PON2: variants seen among roughly 807,000 people sequenced by gnomAD.
The protein encoded by PON2 is serum paraoxonase/arylesterase 2.
A neutral mutation model predicts 36.6 loss-of-function variants in PON2; 27 were observed. That is an observed-to-expected ratio of 0.74 (90% CI 0.54 to 1.02). The LOEUF is 1.02. PON2 is among the 50% of genes least tolerant of loss of function. The pLI, the probability that PON2 is intolerant of heterozygous loss-of-function variation, is 0.00. For synonymous variants in PON2, 149 were observed against 156.3 expected, an observed-to-expected ratio of 0.95 and a Z score of 0.35; for missense variants, 363 against 421.1, an observed-to-expected ratio of 0.86 and a Z score of 1.21.
intron 1 of PON2, among the ~76,000 whole-genome samples, chr7:95,433,040 T>G (rs1198090120): frequency 1.3e-5 from 2 of 152,202 alleles, no homozygotes; most frequent in Non-Finnish European, 2.9e-5. Context: ...TCATTAGAAT[T>G]ATCAGGAATG....
At position 95,434,874 on chromosome 7, in the gene PON2, C is replaced by G. The variant is rs936595873; in HGVS notation, c.74+4G>C. On this transcript the variant is annotated splice_donor_region_variant and intron_variant, in intron 1 of 8. Coordinates refer to ENST00000222572, the MANE Select transcript of PON2 (RefSeq NM_000305.3). ...GAGGAGGGGCGCGCGGGAGTCCCAC[C>G]TACCTGAGTGCCAGAAGCCTCTCGC... 4 of 1,540,288 alleles carry G rather than the reference C, an allele frequency of 2.6e-6. No homozygotes were observed. The highest frequency in any genetic ancestry group is 1.2e-5 in the South Asian group (1 of 83,328).
intron 1 of PON2, among the ~76,000 whole-genome samples, chr7:95,433,634 GCCTCAAAACCTAT>G (rs2116514927): frequency 6.6e-6 from 1 of 152,246 alleles, no homozygotes; most frequent in South Asian, 2.1e-4. Context: ...ATATTTAATG[GCCTCAAAACCTAT>G]CCTTCCCACC....
chr7:95,419,952 C>T (rs1330454265), intron 2 of PON2, among the ~76,000 whole-genome samples: 3 of 152,142 alleles, frequency 2.0e-5, no homozygotes, highest in Admixed American at 1.3e-4. Context: ...CTTTACTATA[C>T]CCAATAGAGC....
chr7:95,417,641 C>A (rs867471043), intron 2 of PON2, among the ~76,000 whole-genome samples: 1 of 147,814 alleles, frequency 6.8e-6, no homozygotes, highest in Non-Finnish European at 1.5e-5. Context: ...ATCAGGGGAA[C>A]GCTACACCAC....
At chr7:95,409,035 A>G (rs777828269) in intron 6 of PON2, among the ~76,000 whole-genome samples, 3 of 152,116 alleles carry the variant, frequency 2.0e-5, no homozygotes, top group Non-Finnish European at 4.4e-5. Flanking sequence ...TCTTAGAGCC[A>G]GGTGTGGTGG....
chr7:95,418,279 T>G (rs1317543231), intron 2 of PON2: 1 of 152,242 alleles, frequency 6.6e-6, no homozygotes, highest in East Asian at 1.9e-4. Flanking sequence ...GTAAATACCC[T>G]GCATACAATA....
At chr7:95,411,385 TGTA>T (rs1236539924) in intron 5 of PON2, among the ~76,000 whole-genome samples, 1 of 152,174 alleles carries the variant, frequency 6.6e-6, no homozygotes, top group African/African-American at 2.4e-5. Flanking sequence ...AGTATCACCC[TGTA>T]GTCGGGCACT....
intron 3 of PON2, among the ~76,000 whole-genome samples, chr7:95,414,936 G>A (rs1274301335): frequency 6.6e-6 from 1 of 152,160 alleles, no homozygotes; most frequent in African/African-American, 2.4e-5. Flanking sequence ...ATAACCAGCT[G>A]CTCACTGTCT....
Position 95,412,371 on chromosome 7 carries a change from C to A in PON2, c.308G>T (p.Ser103Ile). The change falls in exon 4 of 9, where the codon AGT (serine) becomes ATT (isoleucine). Residue 103 changes from serine to isoleucine, a missense_variant. Ser to Ile is a moderately radical substitution (Grantham distance 142, BLOSUM62 -2). Transcript: ENST00000222572. ...EKPRARELRI[S>I]RGFDLASFNP... ...GAATGAGGCCAAATCAAACCCACGA[C>A]TGATTCTTAATTCCCGTGCCCTTGG... 2 of 1,614,196 alleles carry A rather than the reference C, an allele frequency of 1.2e-6. No homozygotes were observed. Among genetic ancestry groups the A allele is most frequent in the Non-Finnish European group, 1.7e-6 (2 of 1,180,034 alleles).
intron 1 of PON2, among the ~76,000 whole-genome samples, chr7:95,427,690 C>A (rs1389698038): frequency 2.0e-5 from 3 of 152,126 alleles, no homozygotes; most frequent in Non-Finnish European, 4.4e-5. Flanking sequence ...ATTGGGTCAC[C>A]CACAGAGCTG....
Position 95,416,408 on chromosome 7 carries a change from G to C in PON2, c.146-111C>G, listed in dbSNP as rs185156037. 8.1e-5 allele frequency: 101 copies of C among 1,246,220 alleles called. No individual in the cohort carries two copies. The Admixed American group carries it at 1.5e-3, about 18-fold the overall frequency. The allele number at this position is 1,246,220 out of a possible 1,614,324, so 77.2% of individuals were successfully genotyped here. A position where few individuals can be genotyped will look rare whatever the true frequency, so the allele number is the denominator to read the frequency against. ...CAGAGTGACTGTATCTTTAGGGATGGTTCTGATGTTTTTTCCAAGGAACCA... is the reference window on the plus strand; with the variant it reads ...CAGAGTGACTGTATCTTTAGGGATGCTTCTGATGTTTTTTCCAAGGAACCA... On this transcript the variant is annotated intron_variant, in intron 2 of 8. Coordinates refer to ENST00000222572, the MANE Select transcript of PON2 (RefSeq NM_000305.3).
Position 95,423,072 on chromosome 7 carries a change from C to T in PON2, c.145+1443G>A, listed in dbSNP as rs559753677. Reference sequence around the variant, plus strand: ...GGCTCAGTGCCTCATGCCTGCAATCCCAGCACTTTGGGAGACCAAGCTGGG... The same window carrying T: ...GGCTCAGTGCCTCATGCCTGCAATCTCAGCACTTTGGGAGACCAAGCTGGG... On this transcript the variant is annotated intron_variant, in intron 2 of 8. Coordinates refer to ENST00000222572, the MANE Select transcript of PON2 (RefSeq NM_000305.3). Among the ~76,000 whole-genome samples the T allele has an allele frequency of 3.3e-5, 5 of 152,056 alleles. 1 individual carries two copies. The highest frequency in any genetic ancestry group is 1.2e-4 in the African/African-American group (5 of 41,496).
rs143455043 is a variant in PON2 at position 95,405,480 on chromosome 7, G to A, written c.915C>T (p.Arg305=). The A allele has an allele frequency of 6.2e-7, 1 of 1,612,474 alleles. No homozygotes were observed. The highest frequency in any genetic ancestry group is 1.3e-5 in the African/African-American group (1 of 74,962). Residue 305 remains arginine (R), a synonymous_variant, in exon 9 of 9, where the codon CGC becomes CGT. Transcript: ENST00000222572. ...PNNPPSSEVL[R]IQNILSEKPT... is the part of the protein sequence containing the mutation. ...GCTTCTCAGATAGAATGTTCTGGAT[G>A]CGGAGAACCTATTCAGGGGATACAA...
chr7:95,435,018 C>G lies in PON2; in HGVS notation c.-67G>C. 6.9e-7 allele frequency: 1 copy of G among 1,448,470 alleles called. No homozygotes were observed. Among genetic ancestry groups the G allele is most frequent in the Non-Finnish European group, 9.1e-7 (1 of 1,097,782 alleles). 89.7% of individuals were successfully genotyped at this position (1,448,470 alleles called of 1,614,324 possible). ...GCAGCTCCGTGGGCGGTGCCATCTT[C>G]CCGGCTCGATGGTGCCGGCCGCGCT... On this transcript the variant is annotated 5_prime_UTR_variant, in exon 1 of 9. Coordinates refer to ENST00000222572, the MANE Select transcript of PON2 (RefSeq NM_000305.3).
chr7:95,429,000 G>C (rs1209346526), intron 1 of PON2, among the ~76,000 whole-genome samples: 1 of 151,808 alleles, frequency 6.6e-6, no homozygotes, highest in Non-Finnish European at 1.5e-5. Flanking sequence ...GTAGAGCTAT[G>C]AATGAACTCA....
At chr7:95,432,307 G>A (rs918578988) in intron 1 of PON2, among the ~76,000 whole-genome samples, 7 of 152,188 alleles carry the variant, frequency 4.6e-5, no homozygotes, top group African/African-American at 1.7e-4. Flanking sequence ...CTACTCAGGA[G>A]GCTGAGGAGG....
At chr7:95,419,650 A>C (rs2116484504) in intron 2 of PON2, among the ~76,000 whole-genome samples, 1 of 152,234 alleles carries the variant, frequency 6.6e-6, no homozygotes, top group Non-Finnish European at 1.5e-5. Context: ...CATATGTCTA[A>C]GTTTGGGTCA....
At chr7:95,431,913 T>A (rs1171456078) in intron 1 of PON2, among the ~76,000 whole-genome samples, 3 of 143,870 alleles carry the variant, frequency 2.1e-5, no homozygotes, top group Admixed American at 6.9e-5. Context: ...ATGCTTATAC[T>A]AAAAAAAAAA....
At chr7:95,419,507 T>A (rs993690014) in intron 2 of PON2, among the ~76,000 whole-genome samples, 7 of 152,226 alleles carry the variant, frequency 4.6e-5, no homozygotes, top group Admixed American at 4.6e-4. Context: ...TTAGCAATTA[T>A]CTGTGTCAGA....
Sources: allele counts gnomAD v4.1 joint callset (sites outside exome capture counted in the v4.1 genomes callset), GRCh38; gene constraint gnomAD v4.1.1; transcripts MANE v1.5; gene names NCBI Gene and HGNC (gene_info 2026-07-23, HGNC 2026-07-21).